Variants in RALYL observed in about 807,000 individuals in gnomAD.
RALYL encodes the protein RNA-binding Raly-like protein.
In RALYL, 29 loss-of-function variants were observed where a neutral mutation model predicts 35.1. That is an observed-to-expected ratio of 0.83 (90% CI 0.61 to 1.13). RALYL has a LOEUF of 1.13. Ranked by LOEUF, RALYL falls within the 50% of genes most tolerant of loss-of-function variation. The pLI is 0.00. For synonymous variants in RALYL, 120 were observed against 127.6 expected (o/e 0.94, Z 0.40); for missense variants, 359 against 360.4 (o/e 1.00, Z 0.03).
chr8:84,360,689 G>T (rs909947913), intron 1 of RALYL, among the ~76,000 whole-genome samples: 5 of 152,140 alleles, frequency 3.3e-5, no homozygotes, highest in African/African-American at 9.7e-5. Flanking sequence ...ATTGAGTGAG[G>T]TTGTAGGATT....
chr8:84,213,850 A>G (rs531926767), intron 1 of RALYL, among the ~76,000 whole-genome samples: 2 of 152,232 alleles, frequency 1.3e-5, no homozygotes, highest in African/African-American at 4.8e-5. Flanking sequence ...ATAACGATCA[A>G]TCTATGTATT....
chr8:84,352,788 G>T lies in RALYL; in HGVS notation c.-24+168364G>T, dbSNP rs191985001. The stretch of plus-strand genomic sequence containing the variant: ...CATAATGAAACACACGTTTGGAAAG[G>T]TTAAACTATTTCCCCATGTTGGCCA... On this transcript the variant is annotated intron_variant, in intron 1 of 8. Transcript: ENST00000521268. Among the ~76,000 whole-genome samples the T allele has an allele frequency of 5.3e-5, 8 of 150,184 alleles. No homozygotes were observed. The East Asian group carries it at 1.4e-3, about 26-fold the overall frequency.
intron 1 of RALYL, among the ~76,000 whole-genome samples, chr8:84,413,310 A>G (rs2044282353): frequency 1.3e-5 from 2 of 151,604 alleles, no homozygotes; most frequent in African/African-American, 4.8e-5. Flanking sequence ...TACTAATTCC[A>G]AAGAATTATA....
Position 84,191,823 on chromosome 8 carries a change from T to G in RALYL, c.-24+7399T>G, listed in dbSNP as rs551985732. On this transcript the variant is annotated intron_variant, in intron 1 of 8. Coordinates refer to ENST00000521268, the MANE Select transcript of RALYL (RefSeq NM_173848.7). ...AATTGAGATAATTAAATGATTAGCC[T>G]GCCTTTCTTAGTTGATGAGGGACAG... Among the ~76,000 whole-genome samples the G allele has an allele frequency of 2.3e-4, 35 of 152,338 alleles. No homozygotes were observed. The South Asian group carries it at 6.0e-3, about 26-fold the overall frequency.
chr8:84,920,223 A>G (rs1191496148), intron 8 of RALYL, among the ~76,000 whole-genome samples: 1 of 152,120 alleles, frequency 6.6e-6, no homozygotes, highest in Admixed American at 6.6e-5. Context: ...ATCTAAATAT[A>G]AAGACCTGGA....
At chr8:84,320,690 C>T (rs547767531) in intron 1 of RALYL, among the ~76,000 whole-genome samples, 1 of 152,104 alleles carries the variant, frequency 6.6e-6, no homozygotes, top group Non-Finnish European at 1.5e-5. Context: ...CAATAAATGA[C>T]CTTCTTCCTA....
intron 1 of RALYL, among the ~76,000 whole-genome samples, chr8:84,497,630 G>GTTTTTTTTTTTTTTTTTTTTT (rs1181968193): frequency 8.4e-6 from 1 of 119,124 alleles, no homozygotes; most frequent in African/African-American, 3.2e-5. Flanking sequence ...TTTTTTTGTT[G>GTTTTTTTTTTTTTTTTTTTTT]TTTTTGTTTT....
intron 2 of RALYL, among the ~76,000 whole-genome samples, chr8:84,630,524 G>A (rs76751786): frequency 0.012 from 1,815 of 152,144 alleles, 43 homozygotes; most frequent in African/African-American, 0.04. Flanking sequence ...GGATGATGCA[G>A]TTTCTCCGCT....
intron 3 of RALYL, among the ~76,000 whole-genome samples, chr8:84,777,026 G>A (rs753358420): frequency 3.9e-5 from 6 of 152,090 alleles, no homozygotes; most frequent in Non-Finnish European, 8.8e-5. Flanking sequence ...TCATTCTCAC[G>A]TAAGCTTAAG....
At position 84,629,936 on chromosome 8, in the gene RALYL, T is replaced by C. The variant is rs183980537; in HGVS notation, c.256+100359T>C. On this transcript the variant is annotated intron_variant, in intron 2 of 8. Transcript: ENST00000521268. ...CATCCAAAAATGTTAAATGACATGC[T>C]AAAGGTCATGCAGCATTTTAATTTT... 5.9e-5 allele frequency among the ~76,000 whole-genome samples: 9 copies of C among 152,172 alleles called. No individual in the cohort carries two copies. The East Asian group carries it at 1.7e-3, about 30-fold the overall frequency.
At chr8:84,662,448 G>GT (rs1279972068) in intron 2 of RALYL, among the ~76,000 whole-genome samples, 2 of 152,090 alleles carry the variant, frequency 1.3e-5, no homozygotes, top group African/African-American at 4.8e-5. Flanking sequence ...TCATTTTAAT[G>GT]TTTTTAGATG....
At chr8:84,549,287 A>T (rs1259622609) in intron 2 of RALYL, among the ~76,000 whole-genome samples, 4 of 152,196 alleles carry the variant, frequency 2.6e-5, no homozygotes, top group Non-Finnish European at 5.9e-5. Context: ...TTAATCACTT[A>T]CTGTGATAGT....
At chr8:84,779,373 A>G (rs1817574859) in intron 3 of RALYL, among the ~76,000 whole-genome samples, 1 of 152,258 alleles carries the variant, frequency 6.6e-6, no homozygotes, top group Admixed American at 6.5e-5. Context: ...CACTATTTAT[A>G]AGAGATGAAC....
At chr8:84,276,953 A>G (rs1302316424) in intron 1 of RALYL, among the ~76,000 whole-genome samples, 3 of 152,260 alleles carry the variant, frequency 2.0e-5, no homozygotes, top group Non-Finnish European at 4.4e-5. Context: ...AAATAAACAG[A>G]TAATTTTTTC....
chr8:84,511,383 A>C (rs2134416322), intron 1 of RALYL, among the ~76,000 whole-genome samples: 1 of 152,356 alleles, frequency 6.6e-6, no homozygotes, highest in Admixed American at 6.5e-5. Context: ...CCTGGCACAT[A>C]GTACATTTTC....
intron 1 of RALYL, among the ~76,000 whole-genome samples, chr8:84,469,409 G>A (rs375553491): frequency 7.9e-5 from 12 of 152,148 alleles, no homozygotes; most frequent in Non-Finnish European, 1.6e-4. Context: ...GCCGTGTGAG[G>A]TGTCAGTGTG....
chr8:84,576,912 C>A (rs1237453036), intron 2 of RALYL, among the ~76,000 whole-genome samples: 1 of 152,204 alleles, frequency 6.6e-6, no homozygotes, highest in African/African-American at 2.4e-5. Context: ...AGCAAAATGA[C>A]TGTTGGTTAT....
intron 2 of RALYL, among the ~76,000 whole-genome samples, chr8:84,583,240 GA>G (rs2136002160): frequency 6.6e-6 from 1 of 152,248 alleles, no homozygotes; most frequent in African/African-American, 2.4e-5. Context: ...ATTAGGTTAA[GA>G]ATGATTTGAG....
rs143450928 is a variant in RALYL at position 84,557,500 on chromosome 8, C to T, written c.256+27923C>T. Among the ~76,000 whole-genome samples, 355 of 152,228 alleles carry T rather than the reference C, an allele frequency of 2.3e-3. 2 individuals are homozygous for T. Among genetic ancestry groups the T allele is most frequent in the African/African-American group, 8.0e-3 (332 of 41,532 alleles). ...TTTTATATCATTGATTACTTTATAT[C>T]GCAATCTGAAATCAGCAAAAATATT... On this transcript the variant is annotated intron_variant, in intron 2 of 8. Coordinates refer to ENST00000521268, the MANE Select transcript of RALYL (RefSeq NM_173848.7).
Sources: allele counts gnomAD v4.1 joint callset (sites outside exome capture counted in the v4.1 genomes callset), GRCh38; gene constraint gnomAD v4.1.1; transcripts MANE v1.5; gene names NCBI Gene and HGNC (gene_info 2026-07-23, HGNC 2026-07-21).